The following NR5A2 variants were observed in gnomAD, a reference collection of about 807,000 sequenced individuals.
The protein encoded by NR5A2 is CYP7A promoter-binding factor.
NR5A2 carries 26 observed loss-of-function variants against 62.7 expected under a neutral mutation model. The ratio of observed to expected loss-of-function variants is 0.41; its 90% confidence interval spans 0.30 to 0.58. The LOEUF is 0.58. Among genes scored for constraint, NR5A2 ranks in the 20% least tolerant of loss-of-function variants. The pLI is 0.22. For missense variants in NR5A2, 541 were observed against 669.1 expected, an observed-to-expected ratio of 0.81 and a Z score of 2.11; for synonymous variants, 246 against 241.7, an observed-to-expected ratio of 1.02 and a Z score of -0.16.
chr1:200,116,562 GA>G (rs781745600), intron 6 of NR5A2, among the ~76,000 whole-genome samples: 8 of 152,196 alleles, frequency 5.3e-5, no homozygotes, highest in Admixed American at 2.0e-4. Flanking sequence ...CCACTGCAAA[GA>G]GCAGCCCAGG....
intron 5 of NR5A2, among the ~76,000 whole-genome samples, chr1:200,098,879 C>A (rs1313180828): frequency 6.6e-6 from 1 of 152,152 alleles, no homozygotes; most frequent in Non-Finnish European, 1.5e-5. Flanking sequence ...AAATATTTCC[C>A]ACTAAATATT....
At chr1:200,070,293 A>T (rs1663680502) in intron 5 of NR5A2, among the ~76,000 whole-genome samples, 1 of 152,170 alleles carries the variant, frequency 6.6e-6, no homozygotes. Flanking sequence ...TAGTTAAGGC[A>T]CACAGAGAAG....
chr1:200,052,098 C>T (rs72739180), intron 5 of NR5A2, among the ~76,000 whole-genome samples: 4,815 of 152,240 alleles, frequency 0.032, 118 homozygotes, highest in South Asian at 0.058. Context: ...ATTGATTTCA[C>T]GGCCCATTAA....
chr1:200,048,438 C>T lies in NR5A2; in HGVS notation c.730C>T (p.Pro244Ser), dbSNP rs201522628. The change falls in exon 5 of 8, where the codon CCC becomes TCC. Residue 244 changes from proline to serine, a missense_variant. Physicochemically the swap from Pro to Ser is moderately conservative, Grantham distance 74 (BLOSUM62 -1). This residue lies in a region of NR5A2 where 379 missense variants were observed against 442.0 expected (regional missense o/e 0.86). Coordinates refer to ENST00000367362, the MANE Select transcript of NR5A2 (RefSeq NM_205860.3). This position sits in a 1 kb window ranked among gnomAD's most constrained non-coding sequence, Gnocchi z 4.8. ...TGACAGAAGTCCCTTTGTAACATCC[C>T]CCATTAGCATGACAATGCCCCCTCA... Reference protein sequence around the residue: ...DYDRSPFVTSPISMTMPPHGS... With the variant: ...DYDRSPFVTSSISMTMPPHGS... The T allele has an allele frequency of 2.0e-4, 321 of 1,614,200 alleles. 3 individuals carry two copies. In the East Asian group the frequency reaches 5.5e-3, roughly 27 times the overall value.
At chr1:200,120,670 C>A in intron 6 of NR5A2, 138 bp from the exon 7 acceptor site, 1 of 897,884 alleles carries the variant, frequency 1.1e-6, no homozygotes, top group Non-Finnish European at 1.6e-6. Context: ...CCAGTCTGGT[C>A]AAATAGTGAG....
At chr1:200,092,551 C>T (rs963167645) in intron 5 of NR5A2, among the ~76,000 whole-genome samples, 1 of 152,160 alleles carries the variant, frequency 6.6e-6, no homozygotes. Context: ...GGTTAGCTCA[C>T]GTGTGAATGG....
chr1:200,160,696 G>A (rs948523494), intron 7 of NR5A2, among the ~76,000 whole-genome samples: 4 of 151,286 alleles, frequency 2.6e-5, no homozygotes, highest in South Asian at 2.1e-4. Context: ...TTCCTCATTC[G>A]ATTAGCTGGA....
intron 5 of NR5A2, among the ~76,000 whole-genome samples, chr1:200,061,108 A>G: frequency 7.3e-6 from 1 of 136,244 alleles, no homozygotes; most frequent in South Asian, 2.4e-4. Flanking sequence ...CCAACAGAGC[A>G]AAACTCCGTC....
rs192392777 is a variant in NR5A2, at chr1:200,094,571, C to T, written c.1111-16631C>T. Among the ~76,000 whole-genome samples the T allele has an allele frequency of 5.4e-3, 577 of 106,208 alleles. 7 individuals carry two copies. Among genetic ancestry groups the T allele is most frequent in the African/African-American group, 0.021 (551 of 26,690 alleles). 69.7% of individuals were successfully genotyped at this position (106,208 alleles called of 152,430 possible). A position where few individuals can be genotyped will look rare whatever the true frequency, so the allele number is the denominator to read the frequency against. On this transcript the variant is annotated intron_variant, in intron 5 of 7. Transcript: ENST00000367362. ...TTTTTGAGAAGGAGTCTCGCTCTGT[C>T]GCCCAGGCTGGAGTGCAGTGGTTCG...
At chr1:200,106,643 C>CA (rs1170232058) in intron 5 of NR5A2, among the ~76,000 whole-genome samples, 3 of 152,114 alleles carry the variant, frequency 2.0e-5, no homozygotes, top group Admixed American at 6.5e-5. Flanking sequence ...CCAGAACTGC[C>CA]TAGATGCCAC....
chr1:200,033,539 C>A (rs1208445778), intron 1 of NR5A2, among the ~76,000 whole-genome samples: 2 of 152,192 alleles, frequency 1.3e-5, no homozygotes, highest in Non-Finnish European at 2.9e-5. Flanking sequence ...GCCTCTGCTT[C>A]CCGGCCTTCT....
chr1:200,152,867 T>C (rs1380091954), intron 7 of NR5A2, among the ~76,000 whole-genome samples: 2 of 152,198 alleles, frequency 1.3e-5, no homozygotes, highest in African/African-American at 4.8e-5. Context: ...GCAAGGACTG[T>C]GAAAAGATTA....
intron 5 of NR5A2, among the ~76,000 whole-genome samples, chr1:200,107,882 C>T (rs1184374559): frequency 2.6e-5 from 4 of 152,110 alleles, no homozygotes; most frequent in South Asian, 2.1e-4. Context: ...CCGCCAGCCT[C>T]GGCCTCCCAA....
At chr1:200,077,216 G>A (rs1374334404) in intron 5 of NR5A2, among the ~76,000 whole-genome samples, 2 of 151,966 alleles carry the variant, frequency 1.3e-5, no homozygotes, top group Non-Finnish European at 2.9e-5. Flanking sequence ...ATTAGGTTTC[G>A]GCATCACAGA....
At chr1:200,100,511 C>G (rs1006050068) in intron 5 of NR5A2, among the ~76,000 whole-genome samples, 1 of 152,260 alleles carries the variant, frequency 6.6e-6, no homozygotes, top group East Asian at 1.9e-4. Flanking sequence ...GTTTAGCAGC[C>G]CTGGCATCTG....
intron 5 of NR5A2, among the ~76,000 whole-genome samples, chr1:200,103,039 C>T (rs1289787367): frequency 6.6e-6 from 1 of 151,050 alleles, no homozygotes; most frequent in Non-Finnish European, 1.5e-5. Flanking sequence ...ACCTCAGTTT[C>T]CTCATTGGTA....
At chr1:200,165,927 G>A (rs1653878844) in intron 7 of NR5A2, among the ~76,000 whole-genome samples, 1 of 152,120 alleles carries the variant, frequency 6.6e-6, no homozygotes, top group South Asian at 2.1e-4. Context: ...ATTCTTATCT[G>A]ACAAACTGAA....
Position 200,035,629 on chromosome 1 carries a change from C to G in NR5A2, c.65-4029C>G, listed in dbSNP as rs1321475990. Among the ~76,000 whole-genome samples the G allele has an allele frequency of 3.3e-5, 5 of 152,124 alleles. No homozygotes were observed. In the South Asian group the frequency reaches 6.2e-4, roughly 19 times the overall value. ...GCTCCAGCCAGCTGGGTGAATGGGG[C>G]GCGCACGGCCCCGTAACGCCGAGCG... On this transcript the variant is annotated intron_variant, in intron 1 of 7. Coordinates refer to ENST00000367362, the MANE Select transcript of NR5A2 (RefSeq NM_205860.3).
intron 7 of NR5A2, among the ~76,000 whole-genome samples, chr1:200,133,610 T>TAC (rs35303405): frequency 0.043 from 6,095 of 143,390 alleles, 324 homozygotes; most frequent in East Asian, 0.25. Flanking sequence ...TACACATATA[T>TAC]ACACACACAC....
Sources: allele counts gnomAD v4.1 joint callset (sites outside exome capture counted in the v4.1 genomes callset), GRCh38; gene constraint gnomAD v4.1.1; regional missense constraint gnomAD v4.1.1; non-coding constraint Gnocchi (gnomAD v3.1); transcripts MANE v1.5; gene names NCBI Gene and HGNC (gene_info 2026-07-23, HGNC 2026-07-21).